CDH9: variants seen among roughly 807,000 people sequenced by gnomAD.
The protein encoded by CDH9 is cadherin-9.
In CDH9, 28 loss-of-function variants were observed where a neutral mutation model predicts 70.9. The observed-to-expected ratio is 0.40, with a 90% CI of 0.29 to 0.54. The LOEUF is 0.54. CDH9 is among the 20% of genes least tolerant of loss of function. CDH9 has a pLI of 0.59. For missense variants in CDH9, 874 were observed against 984.4 expected, an observed-to-expected ratio of 0.89 and a Z score of 1.50; for synonymous variants, 409 against 343.1, an observed-to-expected ratio of 1.19 and a Z score of -2.12.
At chr5:27,003,611 AAAAC>A (rs1302031786) in intron 1 of CDH9, among the ~76,000 whole-genome samples, 1 of 152,112 alleles carries the variant, frequency 6.6e-6, no homozygotes, top group Non-Finnish European at 1.5e-5. Flanking sequence ...AAAACAAAAC[AAAAC>A]AAACAAACAA....
chr5:26,886,106 A>G (rs1387746963), intron 9 of CDH9, 23 bp from the exon 10 acceptor site: 3 of 1,579,806 alleles, frequency 1.9e-6, no homozygotes, highest in East Asian at 4.5e-5. Context: ...TTAATTAATT[A>G]ATTAATTAAG....
Position 26,958,243 on chromosome 5 carries a change from G to T in CDH9, c.228+29863C>A, listed in dbSNP as rs540349468. Among the ~76,000 whole-genome samples, 32 of 152,214 alleles carry T rather than the reference G, an allele frequency of 2.1e-4. 1 individual carries two copies. In the South Asian group the frequency reaches 6.4e-3, roughly 31 times the overall value. On this transcript the variant is annotated intron_variant, in intron 2 of 11. Transcript: ENST00000231021. ...TGAACATTAGTGGACATTAACCAAA[G>T]AACCTTCTGTACACGGCACCTTTGG... is the stretch of plus-strand genomic sequence containing the variant.
chr5:26,889,334 TCTA>T (rs1455789451), intron 9 of CDH9, among the ~76,000 whole-genome samples: 13 of 152,108 alleles, frequency 8.5e-5, no homozygotes, highest in African/African-American at 3.1e-4. Flanking sequence ...TACAAACAAA[TCTA>T]CTTCATTTCA....
At chr5:26,906,165 G>A (rs1451564517) in intron 4 of CDH9, 39 bp from the exon 5 acceptor site, 5 of 1,556,678 alleles carry the variant, frequency 3.2e-6, no homozygotes, top group African/African-American at 1.4e-5. Context: ...CAATTAAATC[G>A]CTGAGTTTTA....
At chr5:26,904,004 C>T (rs554722855) in intron 5 of CDH9, among the ~76,000 whole-genome samples, 180 bp from the exon 6 acceptor site, 1 of 151,828 alleles carries the variant, frequency 6.6e-6, no homozygotes, top group Non-Finnish European at 1.5e-5. Context: ...AAACAGAACA[C>T]TCTCATTTAG....
chr5:26,917,903 T>G (rs1741175935), intron 2 of CDH9, among the ~76,000 whole-genome samples: 1 of 152,158 alleles, frequency 6.6e-6, no homozygotes, highest in African/African-American at 2.4e-5. Flanking sequence ...CCTGAAGTCA[T>G]AAAAACCAGA....
At chr5:26,938,737 G>T (rs1398859118) in intron 2 of CDH9, among the ~76,000 whole-genome samples, 1 of 151,608 alleles carries the variant, frequency 6.6e-6, no homozygotes, top group Non-Finnish European at 1.5e-5. Context: ...AACAAATTGG[G>T]GTATATTCAT....
chr5:26,926,245 C>T (rs1741336464), intron 2 of CDH9, among the ~76,000 whole-genome samples: 1 of 152,100 alleles, frequency 6.6e-6, no homozygotes, highest in African/African-American at 2.4e-5. Flanking sequence ...TCAGCAAAGT[C>T]TCAGGATACA....
chr5:27,011,642 G>A (rs1742960736), intron 1 of CDH9, among the ~76,000 whole-genome samples: 1 of 151,998 alleles, frequency 6.6e-6, no homozygotes, highest in African/African-American at 2.4e-5. Flanking sequence ...TAGTGTTAAA[G>A]TTAATTTTTA....
intron 7 of CDH9, among the ~76,000 whole-genome samples, chr5:26,900,565 A>T (rs1740837272): frequency 6.6e-6 from 1 of 152,084 alleles, no homozygotes; most frequent in Non-Finnish European, 1.5e-5. Context: ...AAAAGATAAC[A>T]TGGATTATTA....
At chr5:26,911,396 A>G (rs1346774234) in intron 3 of CDH9, among the ~76,000 whole-genome samples, 2 of 152,174 alleles carry the variant, frequency 1.3e-5, no homozygotes, top group Non-Finnish European at 1.5e-5. Context: ...TATTGAATCC[A>G]CACATAGTGA....
chr5:27,023,901 A>G (rs1180394074), intron 1 of CDH9, among the ~76,000 whole-genome samples: 3 of 151,542 alleles, frequency 2.0e-5, no homozygotes, highest in Admixed American at 2.0e-4. Context: ...AAAATACAAC[A>G]CTTAGCTGGG....
chr5:26,890,353 T>C (rs1366917253), intron 8 of CDH9, 75 bp downstream of exon 8: 3 of 1,239,484 alleles, frequency 2.4e-6, no homozygotes, highest in East Asian at 4.7e-5. Context: ...CTCAAGAAAA[T>C]GAGTCTAGCT....
intron 3 of CDH9, among the ~76,000 whole-genome samples, chr5:26,911,941 G>A (rs1741061423): frequency 6.6e-6 from 1 of 151,968 alleles, no homozygotes; most frequent in Admixed American, 6.6e-5. Context: ...AAGAAGGGAA[G>A]GAGTTGGTAA....
intron 2 of CDH9, among the ~76,000 whole-genome samples, chr5:26,942,154 T>A (rs140968163): frequency 4.6e-5 from 7 of 152,236 alleles, no homozygotes; most frequent in South Asian, 2.1e-4. Flanking sequence ...AGCAAACACA[T>A]CCTTATTCAC....
chr5:27,032,976 T>C (rs868055714), intron 1 of CDH9, among the ~76,000 whole-genome samples: 24 of 151,266 alleles, frequency 1.6e-4, no homozygotes, highest in South Asian at 2.1e-4. Context: ...TTCTATGTTA[T>C]ATATTTCTCA....
At chr5:26,932,619 T>C (rs1040751393) in intron 2 of CDH9, among the ~76,000 whole-genome samples, 1 of 152,140 alleles carries the variant, frequency 6.6e-6, no homozygotes, top group African/African-American at 2.4e-5. Flanking sequence ...CGGAATGTCT[T>C]TATCTCTTTA....
At position 26,881,075 on chromosome 5, in the gene CDH9, C is replaced by T. The variant is rs1740451510; in HGVS notation, c.*61G>A. The T allele has an allele frequency of 1.4e-6, 2 of 1,423,696 alleles. No individual in the cohort carries two copies. Among genetic ancestry groups the T allele is most frequent in the Non-Finnish European group, 1.9e-6 (2 of 1,051,010 alleles). 88.2% of individuals were successfully genotyped at this position (1,423,696 alleles called of 1,614,324 possible). A position where few individuals can be genotyped will look rare whatever the true frequency, so the allele number is the denominator to read the frequency against. On this transcript the variant is annotated 3_prime_UTR_variant, in exon 12 of 12. Transcript: ENST00000231021. The stretch of plus-strand genomic sequence containing the variant: ...TTTCCTCCCAGGAAGAGAATGCAGG[C>T]CACTCAATCTAATAACATAGACAGT...
intron 2 of CDH9, among the ~76,000 whole-genome samples, chr5:26,949,447 G>C (rs1741807995): frequency 6.6e-6 from 1 of 152,190 alleles, no homozygotes; most frequent in Non-Finnish European, 1.5e-5. Context: ...TCCAAGGAAG[G>C]CTGCATCTAC....
Sources: allele counts gnomAD v4.1 joint callset (sites outside exome capture counted in the v4.1 genomes callset), GRCh38; gene constraint gnomAD v4.1.1; transcripts MANE v1.5; gene names NCBI Gene and HGNC (gene_info 2026-07-23, HGNC 2026-07-21).